The following CRADD variants were observed in gnomAD, a reference collection of about 807,000 sequenced individuals.
The protein encoded by CRADD is death domain-containing protein CRADD.
In CRADD, 9 loss-of-function variants were observed where a neutral mutation model predicts 15.5. The ratio of observed to expected loss-of-function variants is 0.58; its 90% confidence interval spans 0.35 to 1.01. The LOEUF is 1.01. Ranked by LOEUF, CRADD falls within the 50% of genes least tolerant of loss-of-function variation. The pLI, the probability that CRADD is intolerant of heterozygous loss-of-function variation, is 0.02. For synonymous variants in CRADD, 118 were observed against 107.6 expected, an observed-to-expected ratio of 1.10 and a Z score of -0.60; for missense variants, 227 against 250.3, an observed-to-expected ratio of 0.91 and a Z score of 0.63.
chr12:93,832,662 G>A (rs1957921734), intron 2 of CRADD, among the ~76,000 whole-genome samples: 1 of 152,132 alleles, frequency 6.6e-6, no homozygotes, highest in Non-Finnish European at 1.5e-5. Flanking sequence ...TATTGAAGAT[G>A]AAACTAAAGT....
intron 2 of CRADD, among the ~76,000 whole-genome samples, chr12:93,730,863 A>G (rs1160826194): frequency 6.6e-6 from 1 of 151,942 alleles, no homozygotes; most frequent in African/African-American, 2.4e-5. Flanking sequence ...TTACAGGCAC[A>G]TGCCACCACA....
At chr12:93,863,964 G>A (rs974691242) in intron 2 of CRADD, among the ~76,000 whole-genome samples, 2 of 152,002 alleles carry the variant, frequency 1.3e-5, no homozygotes, top group African/African-American at 2.4e-5. Context: ...AAAAATAAAT[G>A]CCTAACACCT....
intron 2 of CRADD, among the ~76,000 whole-genome samples, chr12:93,759,964 A>C (rs1189488352): frequency 6.6e-6 from 1 of 152,172 alleles, no homozygotes; most frequent in Non-Finnish European, 1.5e-5. Flanking sequence ...GGGGTGTGGC[A>C]AACAAGGGCA....
downstream of CRADD, among the ~76,000 whole-genome samples, chr12:93,851,296 G>T (rs1958218967): frequency 6.6e-6 from 1 of 152,184 alleles, no homozygotes; most frequent in African/African-American, 2.4e-5. Flanking sequence ...GGTGAATGAG[G>T]TTGGGTGCCG....
chr12:93,714,252 AAT>A (rs540120675), intron 2 of CRADD, among the ~76,000 whole-genome samples: 140 of 152,348 alleles, frequency 9.2e-4, no homozygotes, highest in African/African-American at 3.1e-3. Context: ...GGTTAAAAGT[AAT>A]GCCTTTCCAA....
intron 2 of CRADD, among the ~76,000 whole-genome samples, chr12:93,709,793 T>G (rs1956028525): frequency 1.3e-5 from 2 of 152,248 alleles, no homozygotes; most frequent in African/African-American, 4.8e-5. Context: ...ATGGGATTGC[T>G]GGGTCGAATG....
At chr12:93,775,455 T>C (rs1195135688) in intron 2 of CRADD, among the ~76,000 whole-genome samples, 2 of 152,212 alleles carry the variant, frequency 1.3e-5, no homozygotes, top group Non-Finnish European at 2.9e-5. Flanking sequence ...ATGTACTATT[T>C]AGAGCTGAGT....
chr12:93,885,230 C>T (rs1032667529), intron 2 of CRADD, among the ~76,000 whole-genome samples: 3 of 152,096 alleles, frequency 2.0e-5, no homozygotes, highest in Admixed American at 1.3e-4. Flanking sequence ...TCAAAGACAC[C>T]GTAATTGCTG....
chr12:93,814,392 T>C (rs1957667347), intron 2 of CRADD, among the ~76,000 whole-genome samples: 2 of 152,318 alleles, frequency 1.3e-5, no homozygotes, highest in Middle Eastern at 3.4e-3. Context: ...GTAAAGTTCA[T>C]GTTCCCCCCA....
chr12:93,687,488 A>T (rs887475031), intron 2 of CRADD, among the ~76,000 whole-genome samples: 1 of 152,132 alleles, frequency 6.6e-6, no homozygotes, highest in Non-Finnish European at 1.5e-5. Flanking sequence ...GTTCTGGGCA[A>T]TGGGATGTTA....
At chr12:93,805,027 A>G (rs1225048163) in intron 2 of CRADD, among the ~76,000 whole-genome samples, 2 of 152,148 alleles carry the variant, frequency 1.3e-5, no homozygotes, top group Non-Finnish European at 2.9e-5. Flanking sequence ...CTCAGAATCC[A>G]TTAGAGTTTC....
intron 2 of CRADD, among the ~76,000 whole-genome samples, chr12:93,793,709 G>A (rs1371377257): frequency 6.6e-6 from 1 of 152,188 alleles, no homozygotes; most frequent in Non-Finnish European, 1.5e-5. Flanking sequence ...TTGGGGAATA[G>A]GTGGAAGAAG....
chr12:93,754,363 A>G (rs938381807), intron 2 of CRADD, among the ~76,000 whole-genome samples: 11 of 152,256 alleles, frequency 7.2e-5, no homozygotes, highest in Non-Finnish European at 1.5e-4. Flanking sequence ...TTGTCTTGGC[A>G]ATTAACATTT....
At position 93,824,918 on chromosome 12, in the gene CRADD, A is replaced by T. The variant is rs562868490; in HGVS notation, c.299-25052A>T. Among the ~76,000 whole-genome samples the T allele has an allele frequency of 6.6e-6, 1 of 152,318 alleles. No individual in the cohort carries two copies. Among genetic ancestry groups the T allele is most frequent in the Non-Finnish European group, 1.5e-5 (1 of 68,030 alleles). On this transcript the variant is annotated intron_variant, in intron 2 of 2. Coordinates refer to ENST00000332896, the MANE Select transcript of CRADD (RefSeq NM_003805.5). This position sits in a 1 kb window ranked among gnomAD's most constrained non-coding sequence, Gnocchi z 4.3. ...CCGTCTTTTTGCCAATTAAATGTTT[A>T]CATTATCTTTTTGCTCAGATAGTTT...
rs571316912 is a variant in CRADD at position 93,754,009 on chromosome 12, C to G, written c.298+74937C>G. 2.6e-5 allele frequency among the ~76,000 whole-genome samples: 4 copies of G among 152,388 alleles called. 1 individual carries two copies. Among genetic ancestry groups the G allele is most frequent in the African/African-American group, 9.6e-5 (4 of 41,600 alleles). On this transcript the variant is annotated intron_variant, in intron 2 of 2. Coordinates refer to ENST00000332896, the MANE Select transcript of CRADD (RefSeq NM_003805.5). ...GCATAGGTTCTCCATGAGCGCTCCG[C>G]CCCTGCAGCATACCTCTGCCTGGAC...
intron 2 of CRADD, among the ~76,000 whole-genome samples, chr12:93,770,062 T>C (rs1258567954): frequency 1.3e-5 from 2 of 152,010 alleles, no homozygotes; most frequent in East Asian, 1.9e-4. Context: ...TCTTCACTTA[T>C]GCCGAAGGTC....
intron 2 of CRADD, among the ~76,000 whole-genome samples, chr12:93,777,088 A>G (rs1957148302): frequency 6.6e-6 from 1 of 152,230 alleles, no homozygotes; most frequent in Admixed American, 6.5e-5. Context: ...AATGCATGGT[A>G]TAGGATGGAA....
At chr12:93,766,468 C>G (rs987425361) in intron 2 of CRADD, among the ~76,000 whole-genome samples, 4 of 152,208 alleles carry the variant, frequency 2.6e-5, no homozygotes, top group Non-Finnish European at 5.9e-5. Flanking sequence ...TCACCTGTCA[C>G]AGTGTACTTT....
intron 2 of CRADD, among the ~76,000 whole-genome samples, chr12:93,828,533 A>T (rs1468285506): frequency 4.6e-5 from 7 of 152,238 alleles, no homozygotes; most frequent in Non-Finnish European, 7.3e-5. Flanking sequence ...GCATGTGTGT[A>T]TGCACATGTG....
Sources: gnomAD v4.1 joint callset for allele counts (sites outside exome capture counted in the v4.1 genomes callset) on GRCh38, gnomAD v4.1.1 for gene constraint, Gnocchi (gnomAD v3.1) non-coding constraint, MANE v1.5 for transcripts, NCBI Gene and HGNC (gene_info 2026-07-23, HGNC 2026-07-21) for gene names.